NBPF20: variants seen among roughly 807,000 people sequenced by gnomAD.
NBPF20 encodes the protein NBPF family member NBPF20.
A neutral mutation model predicts 68.1 loss-of-function variants in NBPF20; 90 were observed. The ratio of observed to expected loss-of-function variants is 1.32; its 90% CI spans 1.11 to 1.58. The LOEUF (loss-of-function observed/expected upper bound fraction) is 1.58. NBPF20 is among the 40% of genes most tolerant of loss of function. NBPF20 has a pLI of 0.00. For synonymous variants in NBPF20, 290 were observed against 228.1 expected (o/e 1.27, Z -2.45); for missense variants, 816 against 601.2 (o/e 1.36, Z -3.74).
chr1:145,410,704 G>A, the NBPF20 span, among the ~76,000 whole-genome samples: 8 of 123,694 alleles, frequency 6.5e-5, no homozygotes, highest in African/African-American at 2.8e-4. Flanking sequence ...ATATATATGT[G>A]TGTGTGTGTG....
upstream of NBPF20, among the ~76,000 whole-genome samples, chr1:145,407,462 C>G (rs1315308456): frequency 1.4e-5 from 2 of 142,846 alleles, no homozygotes; most frequent in Non-Finnish European, 3.0e-5. Flanking sequence ...CGTGTATACA[C>G]GTATATATAA....
rs1661770893 is a variant in NBPF20 at position 145,372,496 on chromosome 1, A to C, written c.4369+16T>G. 1.9e-4 allele frequency: 98 copies of C among 512,326 alleles called. 6 individuals are homozygous for C. Among genetic ancestry groups the C allele is most frequent in the Non-Finnish European group, 4.3e-5 (13 of 304,142 alleles). The allele number at this position is 512,326 out of a possible 1,614,324, so 31.7% of individuals were successfully genotyped here. On this transcript the variant is annotated intron_variant, in intron 36 of 137. Transcript: ENST00000369373. ...GACCAGGTGGAGGCTTATCACCTTCACAGTAAGATACTCACTGTCCACGTC... is the reference window on the plus strand; with the variant it reads ...GACCAGGTGGAGGCTTATCACCTTCCCAGTAAGATACTCACTGTCCACGTC...
the NBPF20 span, among the ~76,000 whole-genome samples, chr1:145,422,125 T>C: frequency 6.7e-6 from 1 of 150,328 alleles, no homozygotes; most frequent in Non-Finnish European, 1.5e-5. Flanking sequence ...GCCCTTTAAA[T>C]GGCTTAACGC....
At chr1:145,422,006 C>A in the NBPF20 span, among the ~76,000 whole-genome samples, 5 of 152,022 alleles carry the variant, frequency 3.3e-5, no homozygotes, top group Non-Finnish European at 7.4e-5. Context: ...CCACTCCACT[C>A]CAGCCTGGGA....
At chr1:145,390,354 A>T (rs1661945865) in intron 13 of NBPF20, among the ~76,000 whole-genome samples, 1 of 65,394 alleles carries the variant, frequency 1.5e-5, no homozygotes, top group Non-Finnish European at 2.6e-5. Flanking sequence ...AGACACACAC[A>T]CAGACACACA....
chr1:145,394,202 T>A (rs1662098785), intron 8 of NBPF20, among the ~76,000 whole-genome samples: 1 of 152,034 alleles, frequency 6.6e-6, no homozygotes, highest in East Asian at 1.9e-4. Context: ...AAATGAGAAA[T>A]TTTTTCCCCA....
chr1:145,392,778 A>G lies in NBPF20; in HGVS notation c.1216+296T>C, dbSNP rs370811238. 7.0e-3 allele frequency among the ~76,000 whole-genome samples: 628 copies of G among 89,342 alleles called. 221 individuals are homozygous for G. Among genetic ancestry groups the G allele is most frequent in the African/African-American group, 0.045 (609 of 13,622 alleles). The allele number at this position is 89,342 out of a possible 152,430, so 58.6% of individuals were successfully genotyped here. A position where few individuals can be genotyped will look rare whatever the true frequency, so the allele number is the denominator to read the frequency against. On this transcript the variant is annotated intron_variant, in intron 10 of 137. Transcript: ENST00000369373. ...GGATGAAATCTACAAGATCTACAAA[A>G]TTGAGACAAAATCAGAGTTGTGTGA...
At position 145,295,191 on chromosome 1, in the gene NBPF20, G is replaced by T. The variant is rs1293839630; in HGVS notation, c.16191-237C>A. ...GAGAGAGAGAGAGAGAGAGGAGAAA[G>T]TAAGCTCAGCGAGTTGGCCGGGTGA... On this transcript the variant is annotated intron_variant, in intron 133 of 137. Transcript: ENST00000369373. 2.4e-5 allele frequency: 16 copies of T among 666,708 alleles called. 1 individual carries two copies. In the African/African-American group the frequency reaches 3.0e-4, roughly 13 times the overall value. The allele number at this position is 666,708 out of a possible 1,614,324, so 41.3% of individuals were successfully genotyped here.
chr1:145,394,155 A>G (rs1662096309), intron 8 of NBPF20, among the ~76,000 whole-genome samples: 1 of 152,122 alleles, frequency 6.6e-6, no homozygotes, highest in Non-Finnish European at 1.5e-5. Context: ...TTGGAATGTT[A>G]TCTTCCCTAT....
chr1:145,291,831 T>A (rs587678995), intron 137 of NBPF20, 62 bp from the exon 143 acceptor site: 8 of 1,611,074 alleles, frequency 5.0e-6, no homozygotes, highest in East Asian at 4.5e-5. Flanking sequence ...AGAGCCCCAC[T>A]AGATTTCAGA....
the NBPF20 span, among the ~76,000 whole-genome samples, chr1:145,412,291 G>A: frequency 1.3e-5 from 2 of 152,008 alleles, no homozygotes; most frequent in African/African-American, 4.8e-5. Context: ...AAGGCGTCCA[G>A]TTGAAAAACC....
At chr1:145,291,630 C>T (rs782576209) in exon 138 of NBPF20, 9 of 1,611,900 alleles carry the variant, frequency 5.6e-6, no homozygotes, top group South Asian at 5.5e-5. Flanking sequence ...ATGTGCTGTT[C>T]CTCAAATGAG....
rs1571363592 is a variant in NBPF20 at position 145,395,148 on chromosome 1, A to T, written c.828-7T>A. 6.6e-6 allele frequency: 10 copies of T among 1,505,584 alleles called. No homozygotes were observed. The highest frequency in any genetic ancestry group is 9.2e-6 in the Non-Finnish European group (10 of 1,084,790). The allele number at this position is 1,505,584 out of a possible 1,614,324, so 93.3% of individuals were successfully genotyped here. On this transcript the variant is annotated splice_region_variant and splice_polypyrimidine_tract_variant and intron_variant, in intron 7 of 137. Coordinates refer to ENST00000369373, the Ensembl canonical transcript of NBPF20. ...TTCAGACTCCTGCAGATTCCTGATG[A>T]GCCAGGCAGGACAGGGATGATAGAA...
chr1:145,393,563 C>T (rs1157279841), intron 9 of NBPF20, among the ~76,000 whole-genome samples: 1 of 152,060 alleles, frequency 6.6e-6, no homozygotes, highest in Non-Finnish European at 1.5e-5. Context: ...TTTGTGCTCT[C>T]AGGACACACT....
chr1:145,407,325 T>C (rs1470971474), upstream of NBPF20, among the ~76,000 whole-genome samples: 1 of 143,810 alleles, frequency 7.0e-6, no homozygotes, highest in Non-Finnish European at 1.5e-5. Flanking sequence ...ATACCTAATG[T>C]AAATGACGAG....
At chr1:145,338,054 G>A (rs1463466540) in intron 79 of NBPF20, among the ~76,000 whole-genome samples, 3 of 75,070 alleles carry the variant, frequency 4.0e-5, no homozygotes, top group African/African-American at 5.7e-5. Flanking sequence ...CACACACACA[G>A]AGAGAGAGAG....
the NBPF20 span, among the ~76,000 whole-genome samples, chr1:145,425,086 C>T: frequency 6.6e-6 from 1 of 152,114 alleles, no homozygotes; most frequent in Non-Finnish European, 1.5e-5. Context: ...CTCGTCCCTC[C>T]ACCCCCTGGG....
the NBPF20 span, among the ~76,000 whole-genome samples, chr1:145,425,208 G>A: frequency 6.6e-6 from 1 of 152,146 alleles, no homozygotes; most frequent in African/African-American, 2.4e-5. Context: ...CCCCGGCGGG[G>A]CCGGAACACA....
intron 6 of NBPF20, 132 bp downstream of exon 11, chr1:145,400,257 A>C (rs1329305198): frequency 1.3e-6 from 2 of 1,582,914 alleles, no homozygotes; most frequent in Non-Finnish European, 1.7e-6. Flanking sequence ...GGACAAAAAA[A>C]GTCCCTGATA....
Sources: allele counts gnomAD v4.1 joint callset (sites outside exome capture counted in the v4.1 genomes callset), GRCh38; gene constraint gnomAD v4.1.1; transcripts MANE v1.5; gene names NCBI Gene and HGNC (gene_info 2026-07-23, HGNC 2026-07-21).